GRXCR2: variants seen among roughly 807,000 people sequenced by gnomAD.
GRXCR2 encodes the protein glutaredoxin and cysteine rich domain containing 2.
A neutral mutation model predicts 24.8 loss-of-function variants in GRXCR2; 23 were observed. The ratio of observed to expected loss-of-function variants is 0.93; its 90% CI spans 0.67 to 1.32. GRXCR2 has a LOEUF of 1.32. Ranked by LOEUF, GRXCR2 falls within the 40% of genes most tolerant of loss-of-function variation. The pLI, the probability that GRXCR2 is intolerant of heterozygous loss-of-function variation, is 0.00. For missense variants in GRXCR2, 315 were observed against 303.4 expected, an observed-to-expected ratio of 1.04 and a Z score of -0.28; for synonymous variants, 130 against 116.1, an observed-to-expected ratio of 1.12 and a Z score of -0.77.
chr5:145,906,198 C>T (rs74709477), intron 2 of GRXCR2, among the ~76,000 whole-genome samples: 1,841 of 152,246 alleles, frequency 0.012, 39 homozygotes, highest in African/African-American at 0.041. Flanking sequence ...GATACCCCCA[C>T]TCTCTCACTC....
At chr5:145,920,354 A>G (rs946975539) in intron 2 of GRXCR2, among the ~76,000 whole-genome samples, 3 of 152,312 alleles carry the variant, frequency 2.0e-5, no homozygotes, top group Admixed American at 2.0e-4. Context: ...TGGGCCCAGC[A>G]ATCTGTGTCT....
At chr5:145,903,101 C>T (rs895213311) in intron 2 of GRXCR2, among the ~76,000 whole-genome samples, 1 of 152,132 alleles carries the variant, frequency 6.6e-6, no homozygotes, top group Non-Finnish European at 1.5e-5. Context: ...AAGATTGTGC[C>T]TAGCCCCCTA....
intron 2 of GRXCR2, among the ~76,000 whole-genome samples, chr5:145,928,549 T>C (rs1415174962): frequency 6.6e-6 from 1 of 152,150 alleles, no homozygotes; most frequent in Non-Finnish European, 1.5e-5. Context: ...GTGGCACATA[T>C]ACACTGTGGA....
In GRXCR2 at chr5:145,897,232, C is replaced by G. The variant is rs78247984; in HGVS notation, c.-69-30504G>C. 0.026 allele frequency among the ~76,000 whole-genome samples: 3,718 copies of G among 143,054 alleles called. 234 individuals carry two copies. The East Asian group carries it at 0.27, about 11-fold the overall frequency. 93.8% of individuals were successfully genotyped at this position (143,054 alleles called of 152,430 possible). ...ACATGGCTCATGTATACGTATGTAACAAACCTGTTGTTTGTTACATACATA... is the reference window on the plus strand; with the variant it reads ...ACATGGCTCATGTATACGTATGTAAGAAACCTGTTGTTTGTTACATACATA... On this transcript the variant is annotated intron_variant, in intron 2 of 3. Transcript: ENST00000639411.
chr5:145,875,242 T>C (rs75189003), upstream of GRXCR2, among the ~76,000 whole-genome samples: 2,172 of 152,302 alleles, frequency 0.014, 55 homozygotes, highest in African/African-American at 0.05. Flanking sequence ...GAATTGAGCA[T>C]ATTTTGTATA....
At chr5:145,876,821 G>A (rs1339937137), upstream of GRXCR2, among the ~76,000 whole-genome samples, 1 of 152,100 alleles carries the variant, frequency 6.6e-6, no homozygotes, top group East Asian at 1.9e-4. Context: ...TACACTTCAA[G>A]AAGAAGAACA....
At position 145,866,584 on chromosome 5, in the gene GRXCR2, C is replaced by T; in HGVS notation, c.481G>A (p.Glu161Lys). Residue 161 changes from glutamate to lysine, a missense_variant, in exon 2 of 3, where the codon GAA becomes AAA. Physicochemically the swap from Glu to Lys is moderately conservative, Grantham distance 56 (BLOSUM62 1). Coordinates refer to ENST00000377976, the MANE Select transcript of GRXCR2 (RefSeq NM_001080516.2). ...TGGTCCCTGCCTCCATAGCTTTCTT[C>T]TTTGTTCATCAGAGACTCTTCCTCA... ...EAEEESLMNK[E>K]ESYGGRDQHD... is the part of the protein sequence containing the mutation. 1 of 1,614,122 alleles carries T rather than the reference C, an allele frequency of 6.2e-7. No individual in the cohort carries two copies.
chr5:145,887,511 C>T (rs1561682563), intron 2 of GRXCR2, among the ~76,000 whole-genome samples: 1 of 152,160 alleles, frequency 6.6e-6, no homozygotes, highest in African/African-American at 2.4e-5. Flanking sequence ...ACAGACATTT[C>T]GTGGGTGAGA....
In GRXCR2 at chr5:145,922,327, G is replaced by A. The variant is rs182461783; in HGVS notation, c.-70+13374C>T. Among the ~76,000 whole-genome samples the A allele has an allele frequency of 4.6e-5, 7 of 152,244 alleles. No homozygotes were observed. The East Asian group carries it at 1.2e-3, about 25-fold the overall frequency. ...AAGCTGACTCCTCCTCATCTCTTCT[G>A]CTCCTGCTCATCTCTCAAACCTCAG... On this transcript the variant is annotated intron_variant, in intron 2 of 3. Coordinates refer to the GRXCR2 transcript ENST00000639411.
intron 2 of GRXCR2, among the ~76,000 whole-genome samples, chr5:145,887,774 A>T (rs1756798050): frequency 6.6e-6 from 1 of 152,214 alleles, no homozygotes; most frequent in South Asian, 2.1e-4. Context: ...AGTTCTACCA[A>T]GAGTTGTCCA....
chr5:145,928,232 T>A (rs1464892202), intron 2 of GRXCR2, among the ~76,000 whole-genome samples: 1 of 151,928 alleles, frequency 6.6e-6, no homozygotes, highest in Non-Finnish European at 1.5e-5. Flanking sequence ...AGAATGGCAA[T>A]CATTAAAAAG....
chr5:145,893,990 C>T (rs945853080), intron 2 of GRXCR2, among the ~76,000 whole-genome samples: 20 of 152,106 alleles, frequency 1.3e-4, no homozygotes, highest in Admixed American at 9.2e-4. Flanking sequence ...CACTCAAAAC[C>T]GCTCAACTAC....
chr5:145,931,073 C>G (rs988527565), intron 2 of GRXCR2, among the ~76,000 whole-genome samples: 2 of 152,132 alleles, frequency 1.3e-5, no homozygotes, highest in Admixed American at 1.3e-4. Context: ...ACTTTGTCAC[C>G]CAGGCTGGAG....
chr5:145,887,980 A>G (rs978588674), intron 2 of GRXCR2, among the ~76,000 whole-genome samples: 1 of 152,174 alleles, frequency 6.6e-6, no homozygotes, highest in Admixed American at 6.5e-5. Context: ...ATTTCTCTTT[A>G]TATTAGAGCA....
chr5:145,882,068 TA>T (rs1253257546), intron 2 of GRXCR2, among the ~76,000 whole-genome samples: 1 of 152,170 alleles, frequency 6.6e-6, no homozygotes, highest in Non-Finnish European at 1.5e-5. Flanking sequence ...ATAAAACCCC[TA>T]GAAGAAAACC....
intron 2 of GRXCR2, among the ~76,000 whole-genome samples, chr5:145,925,672 G>A (rs1757383278): frequency 6.6e-6 from 1 of 152,134 alleles, no homozygotes; most frequent in South Asian, 2.1e-4. Context: ...GATGTAGATT[G>A]TGTGAAAGAG....
upstream of GRXCR2, among the ~76,000 whole-genome samples, chr5:145,873,684 G>A (rs1756568991): frequency 6.6e-6 from 1 of 152,208 alleles, no homozygotes; most frequent in Admixed American, 6.5e-5. Context: ...CTAAGAACAG[G>A]AGAAGGCCGA....
intron 2 of GRXCR2, among the ~76,000 whole-genome samples, chr5:145,863,172 C>CT (rs1196022417): frequency 4.6e-5 from 7 of 152,218 alleles, no homozygotes; most frequent in African/African-American, 1.4e-4. Flanking sequence ...TTGCCCTACT[C>CT]TTTCATCAGA....
intron 2 of GRXCR2, among the ~76,000 whole-genome samples, chr5:145,911,348 G>A (rs772713201): frequency 1.3e-5 from 2 of 152,210 alleles, no homozygotes; most frequent in Non-Finnish European, 2.9e-5. Flanking sequence ...GCATTGCAGT[G>A]ATGGCTGAGC....
Sources: gnomAD v4.1 joint callset for allele counts (sites outside exome capture counted in the v4.1 genomes callset) on GRCh38, gnomAD v4.1.1 for gene constraint, MANE v1.5 for transcripts, NCBI Gene and HGNC (gene_info 2026-07-23, HGNC 2026-07-21) for gene names.